The following JAM3 variants were observed in gnomAD, a reference collection of about 807,000 sequenced individuals.
JAM3 encodes the protein junctional adhesion molecule C.
JAM3 carries 31 observed loss-of-function variants against 39.4 expected under a neutral mutation model. The ratio of observed to expected loss-of-function variants is 0.79; its 90% CI spans 0.59 to 1.06. The LOEUF (loss-of-function observed/expected upper bound fraction) is 1.06. Among genes scored for constraint, JAM3 ranks in the 50% least tolerant of loss-of-function variants. JAM3 has a pLI of 0.00. For synonymous variants in JAM3, 182 were observed against 148.7 expected (o/e 1.22, Z -1.63); for missense variants, 455 against 391.4 (o/e 1.16, Z -1.37).
intron 1 of JAM3, among the ~76,000 whole-genome samples, chr11:134,096,010 A>T (rs1941975459): frequency 6.6e-6 from 1 of 151,862 alleles, no homozygotes; most frequent in Admixed American, 6.6e-5. Flanking sequence ...ATGGAGCCTT[A>T]CTCTCACCCA....
intron 1 of JAM3, among the ~76,000 whole-genome samples, chr11:134,115,247 T>C (rs979739385): frequency 6.6e-6 from 1 of 152,164 alleles, no homozygotes; most frequent in African/African-American, 2.4e-5. Context: ...TTTCATCCTT[T>C]TATTTTGAAG....
intron 1 of JAM3, among the ~76,000 whole-genome samples, chr11:134,129,895 G>A (rs139114047): frequency 0.024 from 3,682 of 152,174 alleles, 150 homozygotes; most frequent in African/African-American, 0.084. Flanking sequence ...CCAGCTACTC[G>A]GGAGGCTGAG....
intron 1 of JAM3, chr11:134,124,092 TCTA>T (rs1324107969): frequency 1.5e-5 from 23 of 1,485,696 alleles, no homozygotes; most frequent in Admixed American, 1.2e-4. Flanking sequence ...TAACCAATCA[TCTA>T]CTATCTGATT....
chr11:134,090,937 A>G (rs766088689), intron 1 of JAM3, among the ~76,000 whole-genome samples: 2 of 152,242 alleles, frequency 1.3e-5, no homozygotes, highest in Non-Finnish European at 2.9e-5. Context: ...TAGAGTAACT[A>G]TGCACCATGG....
intron 1 of JAM3, among the ~76,000 whole-genome samples, chr11:134,134,599 G>GAAC (rs1182998264): frequency 3.9e-5 from 6 of 152,066 alleles, no homozygotes; most frequent in Admixed American, 6.5e-5. Flanking sequence ...GCTTTTCATG[G>GAAC]TGGCTGCACC....
chr11:134,122,312 A>C (rs997327272), intron 1 of JAM3, among the ~76,000 whole-genome samples: 6 of 152,204 alleles, frequency 3.9e-5, no homozygotes, highest in African/African-American at 1.2e-4. Flanking sequence ...TTAAGCCTGT[A>C]TTCAGAGCCT....
chr11:134,109,522 A>G (rs1023490048), intron 1 of JAM3, among the ~76,000 whole-genome samples: 2 of 152,232 alleles, frequency 1.3e-5, no homozygotes, highest in African/African-American at 4.8e-5. Flanking sequence ...CTTATCAACT[A>G]TGGCTGCTGT....
At chr11:134,103,646 T>G (rs1942121836) in intron 1 of JAM3, among the ~76,000 whole-genome samples, 1 of 151,828 alleles carries the variant, frequency 6.6e-6, no homozygotes, top group Non-Finnish European at 1.5e-5. Context: ...CACATAGGCT[T>G]AAAATAAAGG....
chr11:134,136,994 TC>T (rs1942876681), intron 1 of JAM3, among the ~76,000 whole-genome samples: 1 of 151,782 alleles, frequency 6.6e-6, no homozygotes, highest in South Asian at 2.1e-4. Flanking sequence ...GCGCCTGTAG[TC>T]CCAGCTACTT....
intron 1 of JAM3, among the ~76,000 whole-genome samples, chr11:134,089,711 G>A (rs977867689): frequency 1.3e-5 from 2 of 152,074 alleles, no homozygotes; most frequent in Non-Finnish European, 1.5e-5. Flanking sequence ...TCTATCATTG[G>A]TGGACATTTG....
At chr11:134,114,790 C>A (rs951803176) in intron 1 of JAM3, among the ~76,000 whole-genome samples, 3 of 152,120 alleles carry the variant, frequency 2.0e-5, no homozygotes, top group African/African-American at 7.2e-5. Flanking sequence ...GTAAATGTCC[C>A]ATTTGCACTT....
At chr11:134,145,188 TAAGG>T in intron 5 of JAM3, 194 bp downstream of exon 5, 2 of 625,250 alleles carry the variant, frequency 3.2e-6, no homozygotes, top group Admixed American at 2.7e-5. Flanking sequence ...GGGGGTAAAA[TAAGG>T]AAGAGAAAGA....
At chr11:134,083,944 A>T (rs1015132140) in intron 1 of JAM3, among the ~76,000 whole-genome samples, 3 of 152,202 alleles carry the variant, frequency 2.0e-5, no homozygotes, top group Non-Finnish European at 4.4e-5. Context: ...GGGAGATGGA[A>T]TTGGACTCTA....
At chr11:134,080,964 A>T in intron 1 of JAM3, among the ~76,000 whole-genome samples, 1 of 152,170 alleles carries the variant, frequency 6.6e-6, no homozygotes, top group Non-Finnish European at 1.5e-5. Context: ...GAGATTAGGA[A>T]CTTGTTGGGA....
At chr11:134,090,227 T>G (rs900674532) in intron 1 of JAM3, among the ~76,000 whole-genome samples, 1 of 152,268 alleles carries the variant, frequency 6.6e-6, no homozygotes, top group South Asian at 2.1e-4. Context: ...ATGAGTAGAT[T>G]GCAAAAATTT....
At chr11:134,104,457 C>G (rs911346127) in intron 1 of JAM3, among the ~76,000 whole-genome samples, 1 of 151,882 alleles carries the variant, frequency 6.6e-6, no homozygotes, top group Non-Finnish European at 1.5e-5. Flanking sequence ...ACTAGAGAAG[C>G]AAGAGAAAAC....
chr11:134,130,615 C>G (rs1411434312), intron 1 of JAM3, among the ~76,000 whole-genome samples: 2 of 152,124 alleles, frequency 1.3e-5, no homozygotes, highest in African/African-American at 4.8e-5. Context: ...AGCAACCAAG[C>G]AAATATCTAA....
chr11:134,105,058 A>G (rs1026118606), intron 1 of JAM3, among the ~76,000 whole-genome samples: 7 of 152,178 alleles, frequency 4.6e-5, no homozygotes, highest in African/African-American at 1.7e-4. Context: ...AAAAAAAGAG[A>G]ATTTTAGACC....
chr11:134,123,313 A>G (rs1248827929), intron 1 of JAM3, among the ~76,000 whole-genome samples: 2 of 152,128 alleles, frequency 1.3e-5, no homozygotes, highest in African/African-American at 2.4e-5. Flanking sequence ...TCCATCTACA[A>G]CTTGCATCAG....
Sources: gnomAD v4.1 joint callset for allele counts (sites outside exome capture counted in the v4.1 genomes callset) on GRCh38, gnomAD v4.1.1 for gene constraint, MANE v1.5 for transcripts, NCBI Gene and HGNC (gene_info 2026-07-23, HGNC 2026-07-21) for gene names.